Variants in SND1 observed in about 807,000 individuals in gnomAD.
SND1 encodes the protein staphylococcal nuclease domain-containing protein 1.
SND1 carries 38 observed loss-of-function variants against 121.7 expected under a neutral mutation model. The observed-to-expected ratio is 0.31, with a 90% CI of 0.24 to 0.41. The LOEUF (loss-of-function observed/expected upper bound fraction) is 0.41, where lower values mean the gene tolerates loss of function less well. Ranked by LOEUF, SND1 falls within the 10% of genes least tolerant of loss-of-function variation. SND1 has a pLI of 1.00. For synonymous variants in SND1, 401 were observed against 447.4 expected (o/e 0.90, Z 1.31); for missense variants, 868 against 1,184.6 (o/e 0.73, Z 3.92).
At chr7:127,785,044 T>C (rs1797787239) in intron 10 of SND1, among the ~76,000 whole-genome samples, 1 of 152,174 alleles carries the variant, frequency 6.6e-6, no homozygotes, top group South Asian at 2.1e-4. Flanking sequence ...TGCCTCAGCC[T>C]CCCAAGTAGC....
intron 10 of SND1, among the ~76,000 whole-genome samples, chr7:127,743,079 T>C (rs750310949): frequency 3.3e-5 from 5 of 152,164 alleles, no homozygotes; most frequent in Non-Finnish European, 7.3e-5. Context: ...GTCTCTGTTT[T>C]CTCCTTGTAA....
intron 16 of SND1, among the ~76,000 whole-genome samples, chr7:128,053,159 T>G (rs1159139274): frequency 6.6e-6 from 1 of 152,182 alleles, no homozygotes; most frequent in African/African-American, 2.4e-5. Context: ...AAGGACAAGT[T>G]TTGGCAGAGG....
In SND1 at chr7:127,929,413, A is replaced by T. The variant is rs1800915209; in HGVS notation, c.1669+84A>T. On this transcript the variant is annotated intron_variant, in intron 15 of 23. Transcript: ENST00000354725. ...ACCCTCCTTTCCCCCTGTGTTCTAG[A>T]TAGGCCCTAGAGCCCACCAGCATGC... 5.7e-6 allele frequency: 8 copies of T among 1,415,072 alleles called. No homozygotes were observed. The East Asian group carries it at 1.8e-4, about 32-fold the overall frequency. The allele number at this position is 1,415,072 out of a possible 1,614,324, so 87.7% of individuals were successfully genotyped here.
chr7:127,765,994 A>G (rs559606858), intron 10 of SND1, among the ~76,000 whole-genome samples: 2 of 152,296 alleles, frequency 1.3e-5, no homozygotes, highest in South Asian at 4.1e-4. Context: ...TCTAAAATTC[A>G]TGTGCTGGAA....
intron 14 of SND1, among the ~76,000 whole-genome samples, chr7:127,926,971 C>G (rs186758965): frequency 1.3e-3 from 192 of 152,164 alleles, no homozygotes; most frequent in Non-Finnish European, 2.4e-3. Flanking sequence ...TCCCATTTGT[C>G]ATTTCTGGAA....
intron 15 of SND1, among the ~76,000 whole-genome samples, chr7:127,952,458 C>G (rs1681347186): frequency 2.0e-5 from 3 of 152,166 alleles, no homozygotes; most frequent in Admixed American, 1.3e-4. Flanking sequence ...GGAACAAGCT[C>G]AGGGAGCAGG....
At chr7:127,953,206 GTGTGTGTGTGTGTGTA>G (rs1446642988) in intron 15 of SND1, among the ~76,000 whole-genome samples, 1,068 of 80,220 alleles carry the variant, frequency 0.013, 45 homozygotes, top group African/African-American at 0.021. Context: ...GTGTGTGTGT[GTGTGTGTGTGTGTGTA>G]TGTATGAAAA....
At chr7:127,942,321 A>C (rs1351793165) in intron 15 of SND1, among the ~76,000 whole-genome samples, 1 of 152,206 alleles carries the variant, frequency 6.6e-6, no homozygotes, top group East Asian at 1.9e-4. Context: ...AGTGTAAAAT[A>C]CCAAGTTAGA....
rs561469718 is a variant in SND1, at chr7:127,984,216, G to A, written c.1670-6731G>A. On this transcript the variant is annotated intron_variant, in intron 15 of 23. Coordinates refer to ENST00000354725, the MANE Select transcript of SND1 (RefSeq NM_014390.4). ...ATTGTTTTCCTCCTTTGGCATGTCA[G>A]AAGCTAAACATTTCTGCTATGCTCC... 3.2e-4 allele frequency among the ~76,000 whole-genome samples: 48 copies of A among 152,296 alleles called. No homozygotes were observed. The South Asian group carries it at 9.5e-3, about 30-fold the overall frequency.
intron 10 of SND1, among the ~76,000 whole-genome samples, chr7:127,755,403 C>T (rs1166093110): frequency 2.0e-5 from 3 of 152,182 alleles, no homozygotes; most frequent in African/African-American, 7.2e-5. Context: ...AGAAGAATAA[C>T]ATTTGCTGGT....
intron 9 of SND1, among the ~76,000 whole-genome samples, chr7:127,719,792 A>G (rs563542428): frequency 6.6e-6 from 1 of 152,320 alleles, no homozygotes; most frequent in South Asian, 2.1e-4. Flanking sequence ...GGTAAAACCC[A>G]GGGATACCTT....
chr7:128,088,955 A>G (rs1793730659), intron 21 of SND1, among the ~76,000 whole-genome samples: 1 of 152,232 alleles, frequency 6.6e-6, no homozygotes, highest in South Asian at 2.1e-4. Flanking sequence ...GTCACTTGCA[A>G]ATAGTCTCTG....
intron 10 of SND1, among the ~76,000 whole-genome samples, chr7:127,727,178 A>T (rs902907582): frequency 2.6e-5 from 4 of 152,188 alleles, no homozygotes; most frequent in Admixed American, 2.6e-4. Context: ...CCATATGCTG[A>T]AGCCCCCAGT....
intron 10 of SND1, among the ~76,000 whole-genome samples, chr7:127,775,066 G>A (rs1797590880): frequency 6.6e-6 from 1 of 152,188 alleles, no homozygotes; most frequent in South Asian, 2.1e-4. Context: ...ATAAAAATAA[G>A]TTAAGACATA....
chr7:128,037,222 G>A (rs559450064), intron 16 of SND1, among the ~76,000 whole-genome samples: 1 of 152,318 alleles, frequency 6.6e-6, no homozygotes, highest in Non-Finnish European at 1.5e-5. Flanking sequence ...CCGTAGGGGA[G>A]AATCATTCCT....
Position 128,015,187 on chromosome 7 carries a change from C to T in SND1, c.1779+24131C>T, listed in dbSNP as rs767950503. On this transcript the variant is annotated intron_variant, in intron 16 of 23. Transcript: ENST00000354725. The surrounding 1 kb of genome is among the most constrained non-coding windows in gnomAD (Gnocchi z 4.5). Reference sequence around the variant, plus strand: ...GGGATGTCTGCCACTCCCATCCCCTCTCCTGCCCTGCTTTCCCAAGATGAA... The same window carrying T: ...GGGATGTCTGCCACTCCCATCCCCTTTCCTGCCCTGCTTTCCCAAGATGAA... Among the ~76,000 whole-genome samples, 66 of 152,232 alleles carry T rather than the reference C, an allele frequency of 4.3e-4. 2 individuals carry two copies. The highest frequency in any genetic ancestry group is 7.3e-5 in the Non-Finnish European group (5 of 68,042).
intron 11 of SND1, among the ~76,000 whole-genome samples, chr7:127,834,867 G>T (rs901822349): frequency 2.0e-5 from 3 of 151,926 alleles, no homozygotes; most frequent in Non-Finnish European, 4.4e-5. Context: ...TATTTTCCTT[G>T]TCTGAGTGAC....
In SND1 at chr7:127,686,725, C is replaced by G. The variant is rs748938325; in HGVS notation, c.191C>G (p.Ala64Gly). 3 of 1,614,174 alleles carry G rather than the reference C, an allele frequency of 1.9e-6. No homozygotes were observed. In the Admixed American group the frequency reaches 5.0e-5, roughly 27 times the overall value. Residue 64 changes from alanine (A) to glycine (G), a missense_variant, in exon 2 of 24, where the codon GCC becomes GGC. Transcript: ENST00000354725. ...IRAGNLARRA[A>G]ATQPDAKDTP... ...GCTGGAAATCTTGCTCGCCGGGCAG[C>G]CGCCACACAACCTGATGCAAAGGAT...
In SND1 at chr7:127,724,437, G is replaced by A. The variant is rs148655729; in HGVS notation, c.1152+3037G>A. On this transcript the variant is annotated intron_variant, in intron 10 of 23. Transcript: ENST00000354725. ...ACGGTGCATGAGTGGTATGACACCT[G>A]TGTGGTACGAAACCACAGGCAAGGC... Among the ~76,000 whole-genome samples, 113 of 152,354 alleles carry A rather than the reference G, an allele frequency of 7.4e-4. 2 individuals carry two copies. The East Asian group carries it at 0.019, about 26-fold the overall frequency.
Sources: gnomAD v4.1 joint callset for allele counts (sites outside exome capture counted in the v4.1 genomes callset) on GRCh38, gnomAD v4.1.1 for gene constraint, Gnocchi (gnomAD v3.1) non-coding constraint, MANE v1.5 for transcripts, NCBI Gene and HGNC (gene_info 2026-07-23, HGNC 2026-07-21) for gene names.